WNT10A: variants seen among roughly 807,000 people sequenced by gnomAD.
WNT10A encodes the protein protein Wnt-10a.
A neutral mutation model predicts 36.1 loss-of-function variants in WNT10A; 37 were observed. The observed-to-expected ratio is 1.02, with a 90% CI of 0.79 to 1.35. The LOEUF is 1.35. WNT10A is among the 40% of genes most tolerant of loss of function. The pLI is 0.00. For missense variants in WNT10A, 613 were observed against 601.4 expected (o/e 1.02, Z -0.20); for synonymous variants, 255 against 254.1 (o/e 1.00, Z -0.03).
chr2:218,874,443 G>A, the WNT10A span, among the ~76,000 whole-genome samples: 1,934 of 152,270 alleles, frequency 0.013, 38 homozygotes, highest in African/African-American at 0.043. Context: ...GCAAGCTGGA[G>A]AAGAACTAGC....
chr2:218,893,039 A>C lies in WNT10A; in HGVS notation c.1022A>C (p.Lys341Thr). 3 of 1,595,722 alleles carry C rather than the reference A, an allele frequency of 1.9e-6. No individual in the cohort carries two copies. Among genetic ancestry groups the C allele is most frequent in the Non-Finnish European group, 2.5e-6 (3 of 1,178,866 alleles). ...ASPADLVYFE[K>T]SPDFCEREPR... ...CCCGCCGACCTGGTCTACTTCGAAA[A>C]GTCTCCCGACTTCTGCGAGCGCGAG... The change falls in exon 4 of 4, where the codon AAG (lysine) becomes ACG (threonine). Residue 341 changes from lysine to threonine, a missense_variant. By Grantham distance (78) the Lys-to-Thr change is moderately conservative. Transcript: ENST00000258411. The surrounding 1 kb of genome is among the most constrained non-coding windows in gnomAD (Gnocchi z 6.3).
At chr2:218,891,662 G>A (rs576497194) in intron 3 of WNT10A, among the ~76,000 whole-genome samples, 4 of 152,186 alleles carry the variant, frequency 2.6e-5, no homozygotes, top group African/African-American at 7.2e-5. Context: ...GCTGCTGCCC[G>A]TGGGAAGCAG....
chr2:218,881,929 G>A (rs114813261), intron 1 of WNT10A, among the ~76,000 whole-genome samples: 1,632 of 152,306 alleles, frequency 0.011, 32 homozygotes, highest in African/African-American at 0.038. Context: ...GTGTGCATTT[G>A]CACGCTTACC....
At chr2:218,889,692 G>A (rs960417372) in intron 2 of WNT10A, among the ~76,000 whole-genome samples, 5 of 152,236 alleles carry the variant, frequency 3.3e-5, no homozygotes, top group South Asian at 2.1e-4. Context: ...CTCTACAGTA[G>A]AGATGTAGAC....
upstream of WNT10A, among the ~76,000 whole-genome samples, chr2:218,879,201 C>A (rs985549322): frequency 1.6e-4 from 24 of 152,180 alleles, no homozygotes; most frequent in South Asian, 8.3e-4. Context: ...TCAGGCCGCC[C>A]CCACCACCTG....
chr2:218,892,245 G>T (rs1277368307), intron 3 of WNT10A, among the ~76,000 whole-genome samples: 2 of 151,504 alleles, frequency 1.3e-5, no homozygotes, highest in African/African-American at 4.9e-5. Flanking sequence ...GAGAGGGAAG[G>T]ACTGAGAGGG....
chr2:218,884,965 G>T (rs546670817), intron 2 of WNT10A, among the ~76,000 whole-genome samples: 2 of 152,308 alleles, frequency 1.3e-5, no homozygotes, highest in East Asian at 1.9e-4. Flanking sequence ...TGGGGTCCCA[G>T]GTCCCTTGGG....
rs760035759 is a variant in WNT10A, at chr2:218,890,331, A to G, written c.724A>G (p.Met242Val). 8.7e-6 allele frequency: 14 copies of G among 1,600,906 alleles called. No individual in the cohort carries two copies. The highest frequency in any genetic ancestry group is 1.1e-5 in the Non-Finnish European group (13 of 1,179,940). The change falls in exon 3 of 4, where the codon ATG becomes GTG. Residue 242 changes from methionine (M) to valine (V), a missense_variant. Transcript: ENST00000258411. ...REPHRDIHAR[M>V]RLHNNRVGRQ... ...GCCTCACAGAGACATCCACGCGAGA[A>G]TGAGGCTTCACAACAACCGAGTTGG...
At chr2:218,874,203 G>T in the WNT10A span, 423 of 268,586 alleles carry the variant, frequency 1.6e-3, 1 homozygote, top group African/African-American at 8.8e-3. Flanking sequence ...GGTGGGTGAG[G>T]TTAGTATCAA....
intron 1 of WNT10A, 23 bp from the exon 2 acceptor site, chr2:218,882,138 C>T: frequency 6.2e-7 from 1 of 1,610,196 alleles, no homozygotes; most frequent in Non-Finnish European, 8.5e-7. Flanking sequence ...AACACGTACC[C>T]ACTCCACCCC....
rs1054630 is a variant in WNT10A, at chr2:218,893,399, T to C, written c.*128T>C. ...GAGGAGATTGGACCACATGATCTTA[T>C]AGGAACCCCTCAGCTCTGAGGTCTG... On this transcript the variant is annotated 3_prime_UTR_variant, in exon 4 of 4. Transcript: ENST00000258411. The surrounding 1 kb of genome is among the most constrained non-coding windows in gnomAD (Gnocchi z 6.3). The C allele has an allele frequency of 2.3e-4, 299 of 1,323,130 alleles. 1 individual carries two copies. The East Asian group carries it at 6.4e-3, about 29-fold the overall frequency. 82.0% of individuals were successfully genotyped at this position (1,323,130 alleles called of 1,614,324 possible). A position where few individuals can be genotyped will look rare whatever the true frequency, so the allele number is the denominator to read the frequency against.
At chr2:218,881,149 G>T in intron 1 of WNT10A, 41 bp downstream of exon 1, 1 of 1,559,918 alleles carries the variant, frequency 6.4e-7, no homozygotes, top group South Asian at 1.2e-5. Context: ...AGAGAGTTGG[G>T]ACCCCGGCCT....
Position 218,882,314 on chromosome 2 carries a change from C to G in WNT10A, c.267C>G (p.Ile89Met). Residue 89 changes from isoleucine to methionine, a missense_variant, in exon 2 of 4, where the codon ATC (isoleucine) becomes ATG (methionine). Physicochemically the swap from Ile to Met is conservative, Grantham distance 10. Transcript: ENST00000258411. ...TGGCTGCCTCAGCCATACAGGGCATCCAGATCGCCATCCACGAATGCCAAC... is the reference window on the plus strand; with the variant it reads ...TGGCTGCCTCAGCCATACAGGGCATGCAGATCGCCATCCACGAATGCCAAC... Reference protein sequence around the residue: ...PDVAASAIQGIQIAIHECQHQ... With the variant: ...PDVAASAIQGMQIAIHECQHQ... The G allele has an allele frequency of 1.2e-6, 2 of 1,614,166 alleles. No homozygotes were observed. Among genetic ancestry groups the G allele is most frequent in the Non-Finnish European group, 1.7e-6 (2 of 1,180,030 alleles).
At chr2:218,878,173 G>C (rs1944470181), upstream of WNT10A, among the ~76,000 whole-genome samples, 2 of 152,180 alleles carry the variant, frequency 1.3e-5, no homozygotes, top group South Asian at 4.1e-4. The surrounding 1 kb of genome is among the most constrained non-coding windows in gnomAD (Gnocchi z 4.1). Context: ...AGGGGGTGCT[G>C]ATAGGGGCTT....
chr2:218,882,080 T>C lies in WNT10A; in HGVS notation c.114-81T>C, dbSNP rs1265973177. The C allele has an allele frequency of 2.6e-6, 4 of 1,544,072 alleles. No homozygotes were observed. In the Admixed American group the frequency reaches 7.2e-5, roughly 28 times the overall value. On this transcript the variant is annotated intron_variant, in intron 1 of 3. Transcript: ENST00000258411. ...TTGGAAGAGGGAGTGATTATGGCCGTTGGGACAGAGTGTGTGTTGTTAGAT... is the reference window on the plus strand; with the variant it reads ...TTGGAAGAGGGAGTGATTATGGCCGCTGGGACAGAGTGTGTGTTGTTAGAT...
At chr2:218,886,086 C>T (rs1430644966) in intron 2 of WNT10A, among the ~76,000 whole-genome samples, 2 of 152,148 alleles carry the variant, frequency 1.3e-5, no homozygotes, top group Non-Finnish European at 2.9e-5. Context: ...TTAAAGTTTG[C>T]ACCCAATCCC....
Position 218,892,833 on chromosome 2 carries a change from G to C in WNT10A, c.816G>C (p.Gln272His), listed in dbSNP as rs924058194. 6.3e-7 allele frequency: 1 copy of C among 1,596,144 alleles called. No homozygotes were observed. Among genetic ancestry groups the C allele is most frequent in the Non-Finnish European group, 8.5e-7 (1 of 1,172,864 alleles). The change falls in exon 4 of 4, where the codon CAG (glutamine) becomes CAC (histidine). Residue 272 changes from glutamine (Q) to histidine (H), a missense_variant. Physicochemically the swap from Gln to His is conservative, Grantham distance 24 (BLOSUM62 0). Transcript: ENST00000258411. The part of the protein sequence containing the change: ...CKCHGTSGSC[Q>H]LKTCWQVTPE... ...GCCACGGCACGTCAGGCAGCTGCCAGCTCAAGACGTGCTGGCAGGTGACGC... is the reference window on the plus strand; with the variant it reads ...GCCACGGCACGTCAGGCAGCTGCCACCTCAAGACGTGCTGGCAGGTGACGC...
chr2:218,875,443 G>C, the WNT10A span, among the ~76,000 whole-genome samples: 1 of 151,976 alleles, frequency 6.6e-6, no homozygotes, highest in Non-Finnish European at 1.5e-5. Flanking sequence ...GCCTGCCTTG[G>C]CCTCCCAAAG....
chr2:218,878,955 A>G (rs1389783068), upstream of WNT10A, among the ~76,000 whole-genome samples: 1 of 152,132 alleles, frequency 6.6e-6, no homozygotes, highest in Admixed American at 6.5e-5. The surrounding 1 kb of genome is among the most constrained non-coding windows in gnomAD (Gnocchi z 4.1). Context: ...CCGTTTCTGC[A>G]GCATGGTAGG....
Sources: gnomAD v4.1 joint callset for allele counts (sites outside exome capture counted in the v4.1 genomes callset) on GRCh38, gnomAD v4.1.1 for gene constraint, Gnocchi (gnomAD v3.1) non-coding constraint, MANE v1.5 for transcripts, NCBI Gene and HGNC (gene_info 2026-07-23, HGNC 2026-07-21) for gene names.